MSH5: variants seen among roughly 807,000 people sequenced by gnomAD.
MSH5 encodes the protein mutS homolog 5.
In MSH5, 78 loss-of-function variants were observed where a neutral mutation model predicts 107.7. That is an observed-to-expected ratio of 0.72 (90% CI 0.60 to 0.87). MSH5 has a LOEUF of 0.87. Ranked by LOEUF, MSH5 falls within the 40% of genes least tolerant of loss-of-function variation. The pLI is 0.00. For missense variants in MSH5, 889 were observed against 1,046.6 expected, an observed-to-expected ratio of 0.85 and a Z score of 2.08; for synonymous variants, 326 against 399.5, an observed-to-expected ratio of 0.82 and a Z score of 2.19.
chr6:31,745,717 T>A (rs937352233), intron 9 of MSH5, among the ~76,000 whole-genome samples: 3 of 151,884 alleles, frequency 2.0e-5, no homozygotes, highest in African/African-American at 7.3e-5. Context: ...ATTAGGGACA[T>A]CTCCGCAAAT....
chr6:31,760,701 C>A lies in MSH5; in HGVS notation c.1824C>A (p.Ile608=), dbSNP rs758391199. 1.2e-6 allele frequency: 2 copies of A among 1,612,924 alleles called. No individual in the cohort carries two copies. The highest frequency in any genetic ancestry group is 2.7e-5 in the African/African-American group (2 of 74,942). ...CCTTCCCTATTCAGGTAGGCTTGAT[C>A]ACATTCATGGCCCTGGTAGGCAGCT... ...KSIYLKQVGL[I]TFMALVGSFV... is the part of the protein sequence containing the mutation. Residue 608 remains isoleucine, a synonymous_variant, in exon 20 of 25, where the codon ATC becomes ATA. Transcript: ENST00000375750. This position sits in a 1 kb window ranked among gnomAD's most constrained non-coding sequence, Gnocchi z 5.6.
At chr6:31,749,652 CTTGT>C (rs1404255869) in intron 10 of MSH5, among the ~76,000 whole-genome samples, 1 of 151,966 alleles carries the variant, frequency 6.6e-6, no homozygotes, top group African/African-American at 2.4e-5. Context: ...TCACATAGTG[CTTGT>C]TTATGTTTTT....
In MSH5 at chr6:31,759,050, A is replaced by G. The variant is rs764337236; in HGVS notation, c.1327-47A>G. On this transcript the variant is annotated intron_variant, in intron 15 of 24. Coordinates refer to ENST00000375750, the MANE Select transcript of MSH5 (RefSeq NM_172166.4). The surrounding 1 kb of genome is among the most constrained non-coding windows in gnomAD (Gnocchi z 4.7). ...CCTCTAGGGTGGGGAGGTGTCCAGT[A>G]AGTCTCCAAGCAGGAGAGTAGAGTA... 1 of 1,554,736 alleles carries G rather than the reference A, an allele frequency of 6.4e-7. No individual in the cohort carries two copies. Among genetic ancestry groups the G allele is most frequent in the Admixed American group, 1.7e-5 (1 of 59,942 alleles).
intron 5 of MSH5, 49 bp from the exon 6 acceptor site, chr6:31,743,854 GA>G: frequency 4.4e-6 from 7 of 1,594,942 alleles, no homozygotes; most frequent in Non-Finnish European, 6.0e-6. Context: ...AAAATGGGGT[GA>G]AAAAATTGAG....
At chr6:31,747,483 C>G (rs530157673) in intron 10 of MSH5, 51 bp downstream of exon 10, 2 of 1,563,262 alleles carry the variant, frequency 1.3e-6, no homozygotes, top group Non-Finnish European at 1.8e-6. Flanking sequence ...TCCATATGCA[C>G]ACTACATACT....
chr6:31,743,356 T>G, intron 5 of MSH5, 186 bp downstream of exon 5: 1 of 637,114 alleles, frequency 1.6e-6, no homozygotes, highest in Non-Finnish European at 2.8e-6. Flanking sequence ...ACCTGCAGCT[T>G]ATTGGGAAGC....
intron 10 of MSH5, among the ~76,000 whole-genome samples, chr6:31,747,975 C>T (rs1274102750): frequency 6.7e-6 from 1 of 149,004 alleles, no homozygotes; most frequent in Non-Finnish European, 1.5e-5. Flanking sequence ...TGCACTTCAG[C>T]CTGGGCAACA....
intron 10 of MSH5, among the ~76,000 whole-genome samples, chr6:31,748,916 C>CTT (rs9279407): frequency 2.7e-5 from 3 of 109,506 alleles, no homozygotes; most frequent in African/African-American, 7.1e-5. Flanking sequence ...TCTGGAAAGT[C>CTT]TTTTTTTTTT....
Position 31,758,586 on chromosome 6 carries a change from A to G in MSH5, c.1182A>G (p.Thr394=), listed in dbSNP as rs769709805. The G allele has an allele frequency of 1.4e-5, 22 of 1,613,898 alleles. No individual in the cohort carries two copies. In the South Asian group the frequency reaches 2.0e-4, roughly 14 times the overall value. The change falls in exon 14 of 25, where the codon ACA becomes ACG. Residue 394 remains threonine (T), a synonymous_variant. Coordinates refer to ENST00000375750, the MANE Select transcript of MSH5 (RefSeq NM_172166.4). This position sits in a 1 kb window ranked among gnomAD's most constrained non-coding sequence, Gnocchi z 5.1. ...GCAGCCTTGCTGAAAATCGCTTCACAGTCCTCCCCAACATAGATCCTGAAA... is the reference window on the plus strand; with the variant it reads ...GCAGCCTTGCTGAAAATCGCTTCACGGTCCTCCCCAACATAGATCCTGAAA... ...FEGSLAENRF[T]VLPNIDPEID... is the part of the protein sequence containing the mutation.
Position 31,753,294 on chromosome 6 carries a change from C to T in MSH5, c.813-7C>T, listed in dbSNP as rs140423670. 3.9e-5 allele frequency: 62 copies of T among 1,597,098 alleles called. No homozygotes were observed. The African/African-American group carries it at 7.8e-4, about 20-fold the overall frequency. The stretch of plus-strand genomic sequence containing the variant: ...TGTAGTACCCCCACCCAAACCCTCA[C>T]TTCCAGGCTATGGTTCACACGTCCG... On this transcript the variant is annotated splice_region_variant and splice_polypyrimidine_tract_variant and intron_variant, in intron 10 of 24. Transcript: ENST00000375750.
At chr6:31,749,121 G>A (rs1809728841) in intron 10 of MSH5, among the ~76,000 whole-genome samples, 1 of 151,914 alleles carries the variant, frequency 6.6e-6, no homozygotes, top group Admixed American at 6.6e-5. Context: ...TCACCATGTT[G>A]GCCACGCTGG....
chr6:31,752,065 CCCTAG>C (rs1182953540), intron 10 of MSH5, among the ~76,000 whole-genome samples: 12 of 152,082 alleles, frequency 7.9e-5, no homozygotes, highest in African/African-American at 2.4e-5. Context: ...CGCCACTGTA[CCCTAG>C]CCTGGGCGAC....
At chr6:31,762,306 T>G in intron 24 of MSH5, 114 bp from the exon 25 acceptor site, 1 of 1,380,988 alleles carries the variant, frequency 7.2e-7, no homozygotes, top group Non-Finnish European at 1.0e-6. Flanking sequence ...CATTTCTTTC[T>G]GAAATCCCTA....
Position 31,759,231 on chromosome 6 carries a change from G to A in MSH5, c.1407+54G>A. On this transcript the variant is annotated intron_variant, in intron 16 of 24. Coordinates refer to ENST00000375750, the MANE Select transcript of MSH5 (RefSeq NM_172166.4). This position sits in a 1 kb window ranked among gnomAD's most constrained non-coding sequence, Gnocchi z 4.7. The stretch of plus-strand genomic sequence containing the variant: ...TGATGAGGAAAATGAGTCAGCAGCT[G>A]AGGAAGAGCGTTACTCTACAGCAGC... 6.6e-7 allele frequency: 1 copy of A among 1,522,616 alleles called. No homozygotes were observed. The highest frequency in any genetic ancestry group is 1.7e-4 in the Middle Eastern group (1 of 5,888). 94.3% of individuals were successfully genotyped at this position (1,522,616 alleles called of 1,614,324 possible).
chr6:31,744,043 G>T lies in MSH5; in HGVS notation c.537+18G>T, dbSNP rs1278274033. On this transcript the variant is annotated intron_variant, in intron 6 of 24. Transcript: ENST00000375750. ...TCCTCACAGTGAGATTGGTCCTGGG[G>T]GATAAGGGCTGGGAGGCGGCACAAG... The T allele has an allele frequency of 1.2e-6, 2 of 1,613,796 alleles. No individual in the cohort carries two copies. Among genetic ancestry groups the T allele is most frequent in the African/African-American group, 2.7e-5 (2 of 74,900 alleles).
chr6:31,743,906 C>T lies in MSH5; in HGVS notation c.418C>T (p.Leu140=), dbSNP rs1324689140. The change falls in exon 6 of 25, where the codon CTG becomes TTG. Residue 140 remains leucine, a splice_region_variant and synonymous_variant. Transcript: ENST00000375750. ...IIFLPSVDFG[L]EISKQRLLSG... ...CTTTGCTTGCCTCCCTCAAATAGGT[C>T]TGGAGATAAGCAAACAACGCCTCCT... The T allele has an allele frequency of 3.7e-6, 6 of 1,612,984 alleles. No homozygotes were observed. Among genetic ancestry groups the T allele is most frequent in the Non-Finnish European group, 5.1e-6 (6 of 1,179,946 alleles).
At chr6:31,743,804 C>T (rs1286775373) in intron 5 of MSH5, 100 bp from the exon 6 acceptor site, 2 of 1,514,638 alleles carry the variant, frequency 1.3e-6, no homozygotes, top group Non-Finnish European at 1.8e-6. Context: ...TGAGCTTGGG[C>T]AAGTCAAATA....
At chr6:31,745,918 C>T (rs1209738196) in intron 9 of MSH5, among the ~76,000 whole-genome samples, 2 of 151,660 alleles carry the variant, frequency 1.3e-5, no homozygotes, top group Non-Finnish European at 2.9e-5. Flanking sequence ...CAGGTGCCCA[C>T]CACGATGCCT....
In MSH5 at chr6:31,745,238, GT is replaced by G. The variant is rs754785803; in HGVS notation, c.687del (p.Leu230TyrfsTer19). On this transcript the variant is annotated frameshift_variant and splice_region_variant, in exon 9 of 25. Transcript: ENST00000375750. LOFTEE classifies it high-confidence loss of function. ...LVNIDQDTYS[V>X]LQIFKSESHP... is the part of the protein sequence containing the mutation. ...AACTCCTCCATTTCTCCTCGACAGT[GT>G]TCTACAGATTTTTAAGAGTGAGTCT... 2 of 1,608,050 alleles carry G rather than the reference GT, an allele frequency of 1.2e-6. No homozygotes were observed. Among genetic ancestry groups the G allele is most frequent in the Non-Finnish European group, 8.5e-7 (1 of 1,174,818 alleles).
Sources: allele counts gnomAD v4.1 joint callset (sites outside exome capture counted in the v4.1 genomes callset), GRCh38; gene constraint gnomAD v4.1.1; non-coding constraint Gnocchi (gnomAD v3.1); transcripts MANE v1.5; gene names NCBI Gene and HGNC (gene_info 2026-07-23, HGNC 2026-07-21).